Variants in FOCAD observed in about 807,000 individuals in gnomAD.
The protein encoded by FOCAD is focadhesin.
A neutral mutation model predicts 225.6 loss-of-function variants in FOCAD; 198 were observed. The observed-to-expected ratio is 0.88, with a 90% confidence interval of 0.78 to 0.99. FOCAD has a LOEUF of 0.99. FOCAD is among the 50% of genes least tolerant of loss of function. The pLI, the probability that FOCAD is intolerant of heterozygous loss-of-function variation, is 0.00. For missense variants in FOCAD, 2,713 were observed against 2,123.6 expected (o/e 1.28, Z -5.46); for synonymous variants, 897 against 755.0 (o/e 1.19, Z -3.08).
chr9:20,895,980 A>G (rs1832048630), intron 21 of FOCAD, among the ~76,000 whole-genome samples: 1 of 151,814 alleles, frequency 6.6e-6, no homozygotes, highest in African/African-American at 2.4e-5. Context: ...TAGTTTCTCA[A>G]AATTATGATG....
At chr9:20,698,706 A>G (rs531608265) in intron 1 of FOCAD, among the ~76,000 whole-genome samples, 2 of 152,200 alleles carry the variant, frequency 1.3e-5, no homozygotes, top group African/African-American at 4.8e-5. Flanking sequence ...TCATGGTTGT[A>G]TGCAAAAATT....
chr9:20,807,279 A>G (rs992215212), intron 11 of FOCAD, among the ~76,000 whole-genome samples: 1 of 152,374 alleles, frequency 6.6e-6, no homozygotes, highest in Non-Finnish European at 1.5e-5. Context: ...GGCTATCATC[A>G]TATTTTATTC....
chr9:20,690,292 C>A (rs1238441929), intron 1 of FOCAD, among the ~76,000 whole-genome samples: 4 of 152,306 alleles, frequency 2.6e-5, no homozygotes, highest in African/African-American at 9.6e-5. Context: ...TGCATTTCCC[C>A]TAATTACTGG....
chr9:20,990,933 A>G (rs1841615036), intron 42 of FOCAD, among the ~76,000 whole-genome samples: 1 of 152,174 alleles, frequency 6.6e-6, no homozygotes, highest in African/African-American at 2.4e-5. Flanking sequence ...GGTCTGTGCT[A>G]GATGCCAAAC....
intron 4 of FOCAD, among the ~76,000 whole-genome samples, chr9:20,734,506 T>C (rs941161212): frequency 2.6e-5 from 4 of 152,254 alleles, no homozygotes; most frequent in African/African-American, 9.6e-5. Flanking sequence ...CCATGTCACA[T>C]GCATAAATCT....
intron 2 of FOCAD, 33 bp from the exon 3 acceptor site, chr9:20,717,761 G>A (rs1825452428): frequency 6.5e-7 from 1 of 1,527,420 alleles, no homozygotes; most frequent in African/African-American, 1.4e-5. Context: ...AACTTCTAAG[G>A]GACTGTGTTC....
chr9:20,936,561 G>C (rs1216527228), intron 28 of FOCAD, among the ~76,000 whole-genome samples: 1 of 152,154 alleles, frequency 6.6e-6, no homozygotes, highest in Admixed American at 6.5e-5. Flanking sequence ...GGGCGCGGTG[G>C]CTCACGCCTG....
chr9:20,727,723 A>G (rs1054569555), intron 4 of FOCAD, among the ~76,000 whole-genome samples: 3 of 152,194 alleles, frequency 2.0e-5, no homozygotes, highest in Admixed American at 1.3e-4. Context: ...ATGACTTACT[A>G]TGCTTAAGAC....
intron 21 of FOCAD, among the ~76,000 whole-genome samples, chr9:20,889,010 A>G (rs1381660713): frequency 1.3e-5 from 2 of 152,204 alleles, no homozygotes; most frequent in African/African-American, 2.4e-5. Context: ...TTACTTATTT[A>G]AAGTATACAA....
At chr9:20,715,581 A>C (rs1404378657) in intron 2 of FOCAD, among the ~76,000 whole-genome samples, 171 bp downstream of exon 2, 1 of 152,120 alleles carries the variant, frequency 6.6e-6, no homozygotes, top group East Asian at 1.9e-4. Context: ...TTTGACATGG[A>C]AAGCAAATAT....
At chr9:20,794,720 A>G (rs1053666663) in intron 11 of FOCAD, among the ~76,000 whole-genome samples, 1 of 152,218 alleles carries the variant, frequency 6.6e-6, no homozygotes, top group African/African-American at 2.4e-5. Flanking sequence ...ACTTAAAATT[A>G]TATTGACCTT....
Position 20,929,342 on chromosome 9 carries a change from C to T in FOCAD, c.3079-16C>T. 1 of 1,605,748 alleles carries T rather than the reference C, an allele frequency of 6.2e-7. No individual in the cohort carries two copies. The highest frequency in any genetic ancestry group is 8.5e-7 in the Non-Finnish European group (1 of 1,172,902). Reference sequence around the variant, plus strand: ...GTTTAAGGCTAACCCTGTTTTCTTTCTTTGGCATGTCCTAGAAGTCCTATT... The same window carrying T: ...GTTTAAGGCTAACCCTGTTTTCTTTTTTTGGCATGTCCTAGAAGTCCTATT... On this transcript the variant is annotated splice_polypyrimidine_tract_variant and intron_variant, in intron 26 of 43. Coordinates refer to ENST00000338382, the MANE Select transcript of FOCAD (RefSeq NM_001375567.1).
intron 11 of FOCAD, among the ~76,000 whole-genome samples, chr9:20,814,828 T>TAC (rs1230560165): frequency 6.6e-6 from 1 of 152,156 alleles, no homozygotes; most frequent in Non-Finnish European, 1.5e-5. Context: ...TGTCACAAAT[T>TAC]ACATCTTTTT....
intron 39 of FOCAD, among the ~76,000 whole-genome samples, chr9:20,982,893 A>G (rs1425872003): frequency 6.6e-6 from 1 of 152,264 alleles, no homozygotes; most frequent in Non-Finnish European, 1.5e-5. Context: ...TTGCAGATCA[A>G]TAATGAATCA....
chr9:20,912,587 G>A (rs1168464668), intron 22 of FOCAD, among the ~76,000 whole-genome samples: 1 of 152,064 alleles, frequency 6.6e-6, no homozygotes, highest in Non-Finnish European at 1.5e-5. Context: ...TGGGGTCTCT[G>A]AAATTCAAAT....
chr9:20,680,025 G>A (rs1822353127), upstream of FOCAD, among the ~76,000 whole-genome samples: 1 of 152,148 alleles, frequency 6.6e-6, no homozygotes, highest in East Asian at 1.9e-4. Context: ...ATGTAGGTTC[G>A]CCCAACTAAG....
intron 35 of FOCAD, among the ~76,000 whole-genome samples, chr9:20,962,902 A>G (rs747406594): frequency 1.3e-5 from 2 of 152,196 alleles, no homozygotes; most frequent in Non-Finnish European, 2.9e-5. Context: ...TAATAAAGGA[A>G]CTGATCATTC....
chr9:20,707,080 G>T (rs1488933601), intron 1 of FOCAD, among the ~76,000 whole-genome samples: 2 of 152,196 alleles, frequency 1.3e-5, no homozygotes, highest in African/African-American at 4.8e-5. Flanking sequence ...TAATGAAGTT[G>T]TTCAGGTTAC....
rs77634383 is a variant in FOCAD at position 20,977,734 on chromosome 9, T to C, written c.4262-605T>C. Among the ~76,000 whole-genome samples, 368 of 152,354 alleles carry C rather than the reference T, an allele frequency of 2.4e-3. 3 individuals carry two copies. The highest frequency in any genetic ancestry group is 0.01 in the Middle Eastern group (3 of 292). On this transcript the variant is annotated intron_variant, in intron 36 of 43. Coordinates refer to ENST00000338382, the MANE Select transcript of FOCAD (RefSeq NM_001375567.1). ...CATACAATTTTTCACTTAAGTGCTT[T>C]CATATAAACCTAATCTCTATATAAG...
Sources: gnomAD v4.1 joint callset for allele counts (sites outside exome capture counted in the v4.1 genomes callset) on GRCh38, gnomAD v4.1.1 for gene constraint, MANE v1.5 for transcripts, NCBI Gene and HGNC (gene_info 2026-07-23, HGNC 2026-07-21) for gene names.